Variants in NPAS3 observed in about 807,000 individuals in gnomAD.
NPAS3 encodes the protein neuronal PAS domain protein 3, also known as neuronal PAS domain-containing protein 3.
NPAS3 carries 14 observed loss-of-function variants against 73.1 expected under a neutral mutation model. That is an observed-to-expected ratio of 0.19 (90% CI 0.13 to 0.30). The LOEUF is 0.30. Ranked by LOEUF, NPAS3 falls within the 10% of genes least tolerant of loss-of-function variation. NPAS3 has a pLI of 1.00. For missense variants in NPAS3, 1,096 were observed against 1,250.0 expected, an observed-to-expected ratio of 0.88 and a Z score of 1.86; for synonymous variants, 620 against 541.5, an observed-to-expected ratio of 1.14 and a Z score of -2.01.
In NPAS3 at chr14:33,598,565, G is replaced by C. The variant is rs149913565; in HGVS notation, c.558+38355G>C. Among the ~76,000 whole-genome samples, 223 of 152,294 alleles carry C rather than the reference G, an allele frequency of 1.5e-3. 1 individual carries two copies. The Middle Eastern group carries it at 0.024, about 16-fold the overall frequency. On this transcript the variant is annotated intron_variant, in intron 5 of 11. Coordinates refer to ENST00000356141, the Ensembl canonical transcript of NPAS3. ...GGTCATATCCAAATTGATCTCTATAGAATGAATTCCAAAATTACAAACTTG... is the reference window on the plus strand; with the variant it reads ...GGTCATATCCAAATTGATCTCTATACAATGAATTCCAAAATTACAAACTTG...
chr14:33,698,489 T>C (rs2060446224), intron 6 of NPAS3, among the ~76,000 whole-genome samples: 1 of 152,190 alleles, frequency 6.6e-6, no homozygotes, highest in African/African-American at 2.4e-5. Context: ...CCTCAGAAGA[T>C]GCTCACAGGA....
intron 1 of NPAS3, among the ~76,000 whole-genome samples, chr14:32,968,861 T>G (rs563838718): frequency 4.1e-4 from 62 of 151,794 alleles, no homozygotes; most frequent in Admixed American, 1.6e-3. Context: ...GCCATGGTGG[T>G]TTGCTGCACA....
chr14:33,244,055 T>A (rs2048297587), intron 3 of NPAS3, among the ~76,000 whole-genome samples: 1 of 152,150 alleles, frequency 6.6e-6, no homozygotes, highest in Admixed American at 6.5e-5. Context: ...TTTGTTTGAT[T>A]TCCTATACAT....
chr14:33,660,621 G>C (rs2059278604), intron 5 of NPAS3, among the ~76,000 whole-genome samples: 2 of 152,172 alleles, frequency 1.3e-5, no homozygotes, highest in Admixed American at 6.5e-5. Context: ...ATTTTATCTT[G>C]TTGTTCTGGA....
intron 4 of NPAS3, among the ~76,000 whole-genome samples, chr14:33,456,778 G>T (rs149782626): frequency 8.5e-5 from 13 of 152,282 alleles, no homozygotes; most frequent in Non-Finnish European, 1.6e-4. Context: ...TGCAGCTCAG[G>T]CTTACCTGTG....
intron 7 of NPAS3, among the ~76,000 whole-genome samples, chr14:33,748,124 A>G (rs1345803707): frequency 2.6e-5 from 4 of 152,234 alleles, no homozygotes; most frequent in Non-Finnish European, 4.4e-5. Flanking sequence ...GAATTAATTT[A>G]TAAATATTAG....
rs144969810 is a variant in NPAS3 at position 33,502,660 on chromosome 14, C to T, written c.469-57461C>T. 9.9e-5 allele frequency among the ~76,000 whole-genome samples: 15 copies of T among 151,926 alleles called. No individual in the cohort carries two copies. The East Asian group carries it at 2.0e-3, about 20-fold the overall frequency. On this transcript the variant is annotated intron_variant, in intron 4 of 11. Transcript: ENST00000356141. ...TTTTGTTTTTCTTCTTCAACGTAAT[C>T]TTCTCCATCTCTTCTCTTTACTGCT...
At chr14:33,760,303 C>T (rs1020831366) in intron 7 of NPAS3, among the ~76,000 whole-genome samples, 4 of 152,192 alleles carry the variant, frequency 2.6e-5, no homozygotes, top group Admixed American at 2.6e-4. Context: ...GGCCCCAGAG[C>T]AGCCATTTAA....
intron 1 of NPAS3, among the ~76,000 whole-genome samples, chr14:33,044,211 C>T (rs764283801): frequency 1.1e-4 from 17 of 152,252 alleles, no homozygotes; most frequent in Non-Finnish European, 2.4e-4. Context: ...ATTTTCATAA[C>T]CAAAATGATC....
At chr14:33,517,564 T>C (rs1362941213) in intron 4 of NPAS3, among the ~76,000 whole-genome samples, 1 of 152,010 alleles carries the variant, frequency 6.6e-6, no homozygotes, top group Non-Finnish European at 1.5e-5. Context: ...CTGTTTCTTC[T>C]CCCACACCTG....
chr14:33,343,677 T>G (rs2044596424), intron 3 of NPAS3, among the ~76,000 whole-genome samples: 2 of 152,196 alleles, frequency 1.3e-5, no homozygotes, highest in South Asian at 4.1e-4. Flanking sequence ...CAAGGTCTCG[T>G]TCGTGGTTTG....
At chr14:33,427,412 TA>T (rs1270597734) in intron 4 of NPAS3, among the ~76,000 whole-genome samples, 4 of 151,852 alleles carry the variant, frequency 2.6e-5, no homozygotes, top group African/African-American at 9.7e-5. Context: ...ACAAACATCA[TA>T]AAGTAAATTC....
intron 1 of NPAS3, among the ~76,000 whole-genome samples, chr14:33,012,557 T>G (rs193017220): frequency 6.6e-6 from 1 of 152,154 alleles, no homozygotes. Flanking sequence ...CATATCTTTT[T>G]TTTTTTTTTT....
chr14:33,530,837 C>T (rs2054009549), intron 4 of NPAS3, among the ~76,000 whole-genome samples: 1 of 152,020 alleles, frequency 6.6e-6, no homozygotes, highest in Non-Finnish European at 1.5e-5. Context: ...GCTAAAAAAT[C>T]GAAGGCTCTG....
chr14:33,265,318 G>A (rs892661558), intron 3 of NPAS3, among the ~76,000 whole-genome samples: 8 of 152,118 alleles, frequency 5.3e-5, no homozygotes, highest in African/African-American at 9.7e-5. Flanking sequence ...TAAAACATGG[G>A]CTTTGACATT....
intron 2 of NPAS3, among the ~76,000 whole-genome samples, chr14:33,110,703 C>T (rs2042863464): frequency 6.6e-6 from 1 of 152,080 alleles, no homozygotes. Context: ...ACATTTTTTC[C>T]TACTGCTTCC....
At chr14:33,520,270 G>A (rs923540454) in intron 4 of NPAS3, among the ~76,000 whole-genome samples, 4 of 152,092 alleles carry the variant, frequency 2.6e-5, no homozygotes, top group African/African-American at 9.7e-5. Context: ...ACGTTTCAGT[G>A]GTGTGTGGGG....
chr14:33,129,514 G>A (rs1048012542), intron 2 of NPAS3, among the ~76,000 whole-genome samples: 15 of 152,094 alleles, frequency 9.9e-5, no homozygotes, highest in Admixed American at 6.6e-4. Context: ...ACATTAAAGC[G>A]TGCTATTAAG....
chr14:33,542,930 G>A (rs934779910), intron 4 of NPAS3, among the ~76,000 whole-genome samples: 11 of 152,186 alleles, frequency 7.2e-5, no homozygotes, highest in Non-Finnish European at 1.6e-4. Flanking sequence ...TTTGAAGGTA[G>A]ACAGAACTGG....
Sources: allele counts gnomAD v4.1 joint callset (sites outside exome capture counted in the v4.1 genomes callset), GRCh38; gene constraint gnomAD v4.1.1; transcripts MANE v1.5; gene names NCBI Gene and HGNC (gene_info 2026-07-23, HGNC 2026-07-21).